The following ADGRL3 variants were observed in gnomAD, a reference collection of about 807,000 sequenced individuals.
ADGRL3 encodes the protein calcium-independent alpha-latrotoxin receptor 3.
In ADGRL3, 62 loss-of-function variants were observed where a neutral mutation model predicts 153.5. The ratio of observed to expected loss-of-function variants is 0.40; its 90% confidence interval spans 0.33 to 0.50. The LOEUF (loss-of-function observed/expected upper bound fraction) is 0.50. Among genes scored for constraint, ADGRL3 ranks in the 20% least tolerant of loss-of-function variants. ADGRL3 has a pLI of 0.47. For synonymous variants in ADGRL3, 710 were observed against 672.5 expected, an observed-to-expected ratio of 1.06 and a Z score of -0.86; for missense variants, 1,641 against 1,859.4, an observed-to-expected ratio of 0.88 and a Z score of 2.16.
At chr4:61,666,401 A>G (rs572181841) in intron 5 of ADGRL3, among the ~76,000 whole-genome samples, 1 of 152,302 alleles carries the variant, frequency 6.6e-6, no homozygotes, top group African/African-American at 2.4e-5. Flanking sequence ...ATATTGAAAG[A>G]AAAATGTCTT....
At chr4:61,248,207 C>A (rs1489765830) in intron 1 of ADGRL3, among the ~76,000 whole-genome samples, 1 of 150,722 alleles carries the variant, frequency 6.6e-6, no homozygotes, top group African/African-American at 2.4e-5. Context: ...TTTTTTTGGT[C>A]ATTCTCATAG....
Position 61,912,767 on chromosome 4 carries a change from G to T in ADGRL3, c.2112+10G>T, listed in dbSNP as rs371931282. ...CAGAGCCTATGTCCAGGTACTTTCT[G>T]CGTTTTTATAAATGTGTTAAGTTGT... On this transcript the variant is annotated intron_variant, in intron 13 of 26. Transcript: ENST00000683033. The T allele has an allele frequency of 6.2e-7, 1 of 1,612,268 alleles. No homozygotes were observed. The highest frequency in any genetic ancestry group is 1.3e-5 in the African/African-American group (1 of 74,886).
At chr4:61,650,549 A>G (rs1023875259) in intron 5 of ADGRL3, among the ~76,000 whole-genome samples, 1 of 152,158 alleles carries the variant, frequency 6.6e-6, no homozygotes, top group Admixed American at 6.5e-5. Context: ...ACAGTATTGA[A>G]GAGCTTGGAA....
intron 17 of ADGRL3, among the ~76,000 whole-genome samples, chr4:61,975,455 G>A (rs2099044651): frequency 6.6e-6 from 1 of 152,278 alleles, no homozygotes; most frequent in Middle Eastern, 3.4e-3. Context: ...GGCACTGAAG[G>A]AAGGGAAAAA....
At chr4:61,235,099 A>G (rs1752322297) in intron 1 of ADGRL3, among the ~76,000 whole-genome samples, 2 of 152,164 alleles carry the variant, frequency 1.3e-5, no homozygotes, top group Non-Finnish European at 2.9e-5. Context: ...TTAAGGCTAT[A>G]AGAAATAAAT....
chr4:61,343,734 G>C (rs555224110), intron 1 of ADGRL3, among the ~76,000 whole-genome samples: 1 of 152,092 alleles, frequency 6.6e-6, no homozygotes, highest in East Asian at 1.9e-4. Context: ...TATCTTAAAG[G>C]CTCTGTGAAT....
At chr4:61,313,868 G>A (rs2095105499) in intron 1 of ADGRL3, among the ~76,000 whole-genome samples, 1 of 152,102 alleles carries the variant, frequency 6.6e-6, no homozygotes, top group Non-Finnish European at 1.5e-5. Flanking sequence ...CCTTGGCCAG[G>A]ACACCATCCC....
At chr4:61,845,022 A>ACTTTTTC (rs1417495322) in intron 9 of ADGRL3, among the ~76,000 whole-genome samples, 2 of 152,168 alleles carry the variant, frequency 1.3e-5, no homozygotes, top group African/African-American at 4.8e-5. Flanking sequence ...AGATGGAAGG[A>ACTTTTTC]CTTTTTCTTA....
chr4:61,612,343 A>G (rs150483155), intron 5 of ADGRL3, among the ~76,000 whole-genome samples: 3 of 152,260 alleles, frequency 2.0e-5, no homozygotes, highest in African/African-American at 7.2e-5. Flanking sequence ...TCTCCAAATG[A>G]TAGTCTGCTA....
chr4:61,672,244 A>G (rs1285747253), intron 5 of ADGRL3, among the ~76,000 whole-genome samples: 2 of 152,220 alleles, frequency 1.3e-5, no homozygotes, highest in African/African-American at 4.8e-5. Context: ...TGTAAGATAG[A>G]GATCCCATTT....
At chr4:61,304,694 G>C (rs1445537807) in intron 1 of ADGRL3, among the ~76,000 whole-genome samples, 1 of 152,008 alleles carries the variant, frequency 6.6e-6, no homozygotes, top group Non-Finnish European at 1.5e-5. Context: ...AAATGCTTTT[G>C]TAGTTCTGAT....
At chr4:61,243,149 A>G (rs1040552786) in intron 1 of ADGRL3, among the ~76,000 whole-genome samples, 16 of 152,080 alleles carry the variant, frequency 1.1e-4, no homozygotes, top group African/African-American at 3.6e-4. Context: ...GAATTATATG[A>G]CACCCTCTGT....
chr4:61,287,178 G>C (rs574276563), intron 1 of ADGRL3, among the ~76,000 whole-genome samples: 1 of 151,934 alleles, frequency 6.6e-6, no homozygotes, highest in South Asian at 2.1e-4. Flanking sequence ...AATGTTTACA[G>C]TTTTTGTAAT....
chr4:61,874,594 GTGT>G (rs1485199110), intron 9 of ADGRL3, among the ~76,000 whole-genome samples: 8 of 107,422 alleles, frequency 7.4e-5, no homozygotes, highest in African/African-American at 2.0e-4. Flanking sequence ...TTGTTTGCAT[GTGT>G]TTTTTTTTTT....
intron 21 of ADGRL3, among the ~76,000 whole-genome samples, chr4:62,005,122 A>T (rs971757291): frequency 3.9e-5 from 6 of 152,156 alleles, no homozygotes; most frequent in Admixed American, 3.3e-4. Flanking sequence ...ATTTAAATGC[A>T]TTTAGCAATC....
chr4:61,388,700 T>A (rs1020375359), intron 2 of ADGRL3, among the ~76,000 whole-genome samples: 13 of 152,340 alleles, frequency 8.5e-5, no homozygotes, highest in African/African-American at 2.9e-4. Flanking sequence ...AATGGAGACC[T>A]GTTCCATCTT....
At chr4:61,418,096 C>T (rs961682482) in intron 2 of ADGRL3, among the ~76,000 whole-genome samples, 1 of 152,092 alleles carries the variant, frequency 6.6e-6, no homozygotes, top group Non-Finnish European at 1.5e-5. Context: ...GAGTGCCTGC[C>T]AGTTTCGGTG....
chr4:61,650,641 T>C (rs911373291), intron 5 of ADGRL3, among the ~76,000 whole-genome samples: 1 of 151,888 alleles, frequency 6.6e-6, no homozygotes, highest in Non-Finnish European at 1.5e-5. Context: ...TTTTTGAGGG[T>C]GGGGAATTAT....
chr4:61,417,197 A>G (rs2097153286), intron 2 of ADGRL3, among the ~76,000 whole-genome samples: 1 of 152,128 alleles, frequency 6.6e-6, no homozygotes, highest in African/African-American at 2.4e-5. Flanking sequence ...CCTGCATTAA[A>G]TAATTGACAA....
Sources: allele counts gnomAD v4.1 joint callset (sites outside exome capture counted in the v4.1 genomes callset), GRCh38; gene constraint gnomAD v4.1.1; transcripts MANE v1.5; gene names NCBI Gene and HGNC (gene_info 2026-07-23, HGNC 2026-07-21).